Variants in WWC1 observed in about 807,000 individuals in gnomAD.
WWC1 encodes WW and C2 domain containing 1.
In WWC1, 55 loss-of-function variants were observed where a neutral mutation model predicts 138.4. That is an observed-to-expected ratio of 0.40 (90% CI 0.32 to 0.50). The LOEUF (loss-of-function observed/expected upper bound fraction) is 0.50, where lower values mean the gene tolerates loss of function less well. Among genes scored for constraint, WWC1 ranks in the 20% least tolerant of loss-of-function variants. The pLI, the probability that WWC1 is intolerant of heterozygous loss-of-function variation, is 0.72. For synonymous variants in WWC1, 524 were observed against 564.9 expected, an observed-to-expected ratio of 0.93 and a Z score of 1.03; for missense variants, 1,226 against 1,420.4, an observed-to-expected ratio of 0.86 and a Z score of 2.20.
At chr5:168,399,453 T>A in intron 4 of WWC1, 35 bp from the exon 5 acceptor site, 1 of 1,613,040 alleles carries the variant, frequency 6.2e-7, no homozygotes, top group Non-Finnish European at 8.5e-7. Flanking sequence ...TGTCAGCCTC[T>A]GACCCAGCCC....
intron 1 of WWC1, among the ~76,000 whole-genome samples, chr5:168,311,586 A>G (rs974005274): frequency 2.0e-5 from 3 of 146,418 alleles, no homozygotes; most frequent in African/African-American, 7.5e-5. Context: ...AAGGGTAATA[A>G]TAGACCAGGC....
chr5:168,301,977 C>T (rs1350688778), intron 1 of WWC1, among the ~76,000 whole-genome samples: 27 of 152,214 alleles, frequency 1.8e-4, no homozygotes, highest in Admixed American at 1.8e-3. Context: ...AAACTCCCCT[C>T]CTCCCCCAGT....
In WWC1 at chr5:168,409,912, TCTC is replaced by T. The variant is rs1780094043; in HGVS notation, c.868-5_868-3del. 4 of 1,613,874 alleles carry T rather than the reference TCTC, an allele frequency of 2.5e-6. No individual in the cohort carries two copies. The highest frequency in any genetic ancestry group is 1.7e-4 in the Middle Eastern group (1 of 6,056). ...GCCACATAATTCCTGACTTTGTTCTTCTCCTCCAGTTCGGCATCAACAGCAACA... is the reference window on the plus strand; with the variant it reads ...GCCACATAATTCCTGACTTTGTTCTTCTCCAGTTCGGCATCAACAGCAACA... On this transcript the variant is annotated splice_region_variant and splice_polypyrimidine_tract_variant and intron_variant, in intron 7 of 22. Coordinates refer to ENST00000265293, the MANE Select transcript of WWC1 (RefSeq NM_015238.3).
intron 1 of WWC1, among the ~76,000 whole-genome samples, chr5:168,327,234 T>C (rs569754044): frequency 3.5e-4 from 53 of 152,244 alleles, no homozygotes; most frequent in African/African-American, 1.3e-3. Flanking sequence ...AGGGCCCCCA[T>C]TGGTCTTCCC....
intron 1 of WWC1, among the ~76,000 whole-genome samples, chr5:168,300,713 G>T (rs1370545014): frequency 6.6e-6 from 1 of 151,956 alleles, no homozygotes; most frequent in Non-Finnish European, 1.5e-5. Flanking sequence ...ACTTTCCCCA[G>T]TCGGCTGCCT....
intron 17 of WWC1, among the ~76,000 whole-genome samples, chr5:168,451,819 T>C (rs567266386): frequency 2.0e-5 from 3 of 151,962 alleles, no homozygotes; most frequent in African/African-American, 7.2e-5. Flanking sequence ...ACACCAAGTG[T>C]AGTGAGGAAC....
chr5:168,443,706 T>G (rs1304420399), intron 16 of WWC1, among the ~76,000 whole-genome samples: 1 of 152,130 alleles, frequency 6.6e-6, no homozygotes, highest in Non-Finnish European at 1.5e-5. Context: ...ATACCAGGCC[T>G]TCAGTTGATT....
Position 168,408,500 on chromosome 5 carries a change from C to T in WWC1, c.721-7C>T, listed in dbSNP as rs1397788231. The T allele has an allele frequency of 1.5e-5, 25 of 1,613,756 alleles. No homozygotes were observed. Among genetic ancestry groups the T allele is most frequent in the Non-Finnish European group, 2.1e-5 (25 of 1,179,842 alleles). The stretch of plus-strand genomic sequence containing the variant: ...CGCATCACTAACCCTGCTCTCCCCT[C>T]CTTCAGAGCCTTGCCATGTTGAAGG... On this transcript the variant is annotated splice_region_variant and splice_polypyrimidine_tract_variant and intron_variant, in intron 6 of 22. Coordinates refer to ENST00000265293, the MANE Select transcript of WWC1 (RefSeq NM_015238.3).
intron 1 of WWC1, among the ~76,000 whole-genome samples, chr5:168,336,535 G>T (rs1176922720): frequency 7.5e-6 from 1 of 134,008 alleles, no homozygotes; most frequent in African/African-American, 2.9e-5. Context: ...TCATGCCATT[G>T]CACTCCAGCC....
intron 6 of WWC1, among the ~76,000 whole-genome samples, chr5:168,407,026 A>G (rs545507345): frequency 3.9e-4 from 59 of 152,260 alleles, no homozygotes; most frequent in Admixed American, 9.1e-4. Context: ...TCCTGGGCTC[A>G]AGAGATTCTC....
chr5:168,444,660 C>T, intron 17 of WWC1, 75 bp downstream of exon 17: 2 of 1,502,806 alleles, frequency 1.3e-6, no homozygotes, highest in Non-Finnish European at 1.8e-6. Context: ...CCCCCAATGC[C>T]AGTGCAACTA....
intron 1 of WWC1, among the ~76,000 whole-genome samples, chr5:168,355,924 A>AAGAG (rs10665946): frequency 0.75 from 112,898 of 150,564 alleles, 42,393 homozygotes; most frequent in East Asian, 0.85. Flanking sequence ...AAGAGAGAGA[A>AAGAG]AGAGAGACGG....
At chr5:168,312,216 CA>C (rs35286827) in intron 1 of WWC1, among the ~76,000 whole-genome samples, 50,990 of 136,448 alleles carry the variant, frequency 0.37, 8,885 homozygotes, top group Admixed American at 0.44. Flanking sequence ...GACGCCGTCT[CA>C]AAAAAAAAAA....
At chr5:168,309,788 C>T (rs1254958052) in intron 1 of WWC1, among the ~76,000 whole-genome samples, 1 of 152,166 alleles carries the variant, frequency 6.6e-6, no homozygotes, top group East Asian at 1.9e-4. Flanking sequence ...CCTCTTTGCT[C>T]TTCCCTAGGG....
chr5:168,440,397 G>A (rs1754638920), intron 15 of WWC1, among the ~76,000 whole-genome samples: 2 of 152,344 alleles, frequency 1.3e-5, no homozygotes, highest in South Asian at 4.1e-4. Flanking sequence ...AAGGTAAACA[G>A]TGTAGTAGTT....
intron 6 of WWC1, among the ~76,000 whole-genome samples, chr5:168,408,049 T>TTTTTA (rs35282533): frequency 6.7e-6 from 1 of 150,158 alleles, no homozygotes; most frequent in African/African-American, 2.5e-5. Flanking sequence ...TTTTTTTTTT[T>TTTTTA]AGAGATGGGA....
intron 8 of WWC1, among the ~76,000 whole-genome samples, chr5:168,412,383 T>C (rs1460774152): frequency 6.6e-6 from 1 of 152,216 alleles, no homozygotes; most frequent in Non-Finnish European, 1.5e-5. Context: ...TTGTCACACA[T>C]GCATTTCTGA....
chr5:168,428,860 A>G (rs917246012), intron 13 of WWC1, 73 bp downstream of exon 13: 2 of 1,534,342 alleles, frequency 1.3e-6, no homozygotes. Context: ...AGCGTTCCCC[A>G]GCATTTACCT....
chr5:168,465,264 A>G (rs1757162074), intron 21 of WWC1, among the ~76,000 whole-genome samples: 1 of 152,190 alleles, frequency 6.6e-6, no homozygotes. Context: ...TCTTCATGAA[A>G]TACGTAGGGT....
Sources: allele counts gnomAD v4.1 joint callset (sites outside exome capture counted in the v4.1 genomes callset), GRCh38; gene constraint gnomAD v4.1.1; transcripts MANE v1.5; gene names NCBI Gene and HGNC (gene_info 2026-07-23, HGNC 2026-07-21).